DENND1A: variants seen among roughly 807,000 people sequenced by gnomAD.
DENND1A encodes the protein DENN domain-containing protein 1A.
In DENND1A, 51 loss-of-function variants were observed where a neutral mutation model predicts 113.7. The observed-to-expected ratio is 0.45, with a 90% CI of 0.36 to 0.57. The LOEUF (loss-of-function observed/expected upper bound fraction) is 0.57, where lower values mean the gene tolerates loss of function less well. Among genes scored for constraint, DENND1A ranks in the 20% least tolerant of loss-of-function variants. The probability of loss-of-function intolerance (pLI) is 0.00; values close to 1 mark genes in which losing one functional copy is unlikely to be tolerated. For missense variants in DENND1A, 1,258 were observed against 1,395.9 expected (o/e 0.90, Z 1.57); for synonymous variants, 565 against 570.8 (o/e 0.99, Z 0.14).
At chr9:123,905,798 T>C (rs369299336) in intron 1 of DENND1A, among the ~76,000 whole-genome samples, 25 of 150,832 alleles carry the variant, frequency 1.7e-4, no homozygotes, top group African/African-American at 5.6e-4. Flanking sequence ...GACAGATCAA[T>C]GAGACAGAAA....
intron 18 of DENND1A, 70 bp from the exon 19 acceptor site, chr9:123,440,561 C>A: frequency 2.7e-6 from 4 of 1,478,358 alleles, no homozygotes; most frequent in South Asian, 1.4e-5. Flanking sequence ...CACCCCACAA[C>A]GAAGAGGCCT....
At chr9:123,725,963 CAACCTAATAT>C (rs775052546) in intron 5 of DENND1A, among the ~76,000 whole-genome samples, 23 of 152,166 alleles carry the variant, frequency 1.5e-4, no homozygotes, top group Non-Finnish European at 2.5e-4. Context: ...AAAAACTGCA[CAACCTAATAT>C]AATTTCTACT....
chr9:123,402,034 G>A (rs2043513292), intron 21 of DENND1A: 1 of 1,359,574 alleles, frequency 7.4e-7, no homozygotes, highest in Non-Finnish European at 1.0e-6. Flanking sequence ...AAAGAAATGT[G>A]ACAAATTTCA....
At chr9:123,874,541 C>A (rs939336899) in intron 2 of DENND1A, among the ~76,000 whole-genome samples, 1 of 152,136 alleles carries the variant, frequency 6.6e-6, no homozygotes, top group South Asian at 2.1e-4. Flanking sequence ...GTGGGAGGAA[C>A]ACTTGAGCCC....
chr9:123,488,851 A>G (rs1210352025), intron 13 of DENND1A, among the ~76,000 whole-genome samples: 1 of 152,112 alleles, frequency 6.6e-6, no homozygotes, highest in Non-Finnish European at 1.5e-5. Flanking sequence ...GCCTGCCTTC[A>G]TCTATCATCC....
intron 8 of DENND1A, among the ~76,000 whole-genome samples, chr9:123,662,455 T>C (rs749030506): frequency 1.3e-5 from 2 of 152,024 alleles, no homozygotes; most frequent in Admixed American, 6.6e-5. Flanking sequence ...CACAACTATT[T>C]GGGAGGCTGA....
chr9:123,447,386 A>G (rs191225533), intron 18 of DENND1A, among the ~76,000 whole-genome samples: 1 of 152,334 alleles, frequency 6.6e-6, no homozygotes, highest in East Asian at 1.9e-4. Flanking sequence ...ATGGTCACAC[A>G]GATATCCTGA....
At chr9:123,425,876 GA>G (rs1320613530) in intron 19 of DENND1A, among the ~76,000 whole-genome samples, 1 of 152,260 alleles carries the variant, frequency 6.6e-6, no homozygotes, top group African/African-American at 2.4e-5. Flanking sequence ...AGGTGGAACA[GA>G]AGAGGAAAAT....
At chr9:123,428,294 CA>C (rs1489850811) in intron 19 of DENND1A, among the ~76,000 whole-genome samples, 2 of 152,170 alleles carry the variant, frequency 1.3e-5, no homozygotes, top group Admixed American at 1.3e-4. Flanking sequence ...GAACTAAAGA[CA>C]AAAACCACAT....
intron 13 of DENND1A, among the ~76,000 whole-genome samples, chr9:123,542,965 C>T (rs977971775): frequency 6.6e-6 from 1 of 152,218 alleles, no homozygotes; most frequent in Non-Finnish European, 1.5e-5. Context: ...GACTGACACA[C>T]TGATTAAGCT....
intron 2 of DENND1A, 59 bp downstream of exon 2, chr9:123,878,892 T>G (rs1385903402): frequency 6.5e-6 from 10 of 1,540,844 alleles, no homozygotes; most frequent in Non-Finnish European, 9.0e-6. Context: ...TTATCTCACG[T>G]GCATAGCTAT....
chr9:123,703,565 A>C (rs1468047997), intron 5 of DENND1A, among the ~76,000 whole-genome samples: 2 of 152,204 alleles, frequency 1.3e-5, no homozygotes, highest in Non-Finnish European at 2.9e-5. Flanking sequence ...CAAAGGAAAC[A>C]GTAAGAGAGG....
intron 9 of DENND1A, among the ~76,000 whole-genome samples, chr9:123,632,375 G>GAT (rs1333807600): frequency 6.6e-6 from 1 of 152,028 alleles, no homozygotes. Flanking sequence ...GGGTGATATA[G>GAT]ATATATATAT....
At position 123,742,571 on chromosome 9, in the gene DENND1A, G is replaced by A. The variant is rs180694716; in HGVS notation, c.302+15132C>T. 1.6e-4 allele frequency among the ~76,000 whole-genome samples: 24 copies of A among 152,264 alleles called. No individual in the cohort carries two copies. The East Asian group carries it at 4.1e-3, about 26-fold the overall frequency. On this transcript the variant is annotated intron_variant, in intron 5 of 23. Transcript: ENST00000394215. ...CTCAGCAATCTCAGTTCATCCTTAG[G>A]GTAGACGAACAAAAACCTGGCAAAT...
At chr9:123,427,338 C>T (rs1182455777) in intron 19 of DENND1A, among the ~76,000 whole-genome samples, 3 of 152,230 alleles carry the variant, frequency 2.0e-5, no homozygotes, top group Non-Finnish European at 4.4e-5. Flanking sequence ...ATTTGCTGAA[C>T]GAATGACCTA....
chr9:123,482,161 G>A (rs1379757964), intron 13 of DENND1A, among the ~76,000 whole-genome samples: 5 of 152,150 alleles, frequency 3.3e-5, no homozygotes, highest in African/African-American at 7.2e-5. Flanking sequence ...GCAGTGGCGC[G>A]ATCTTGGTTC....
intron 13 of DENND1A, among the ~76,000 whole-genome samples, chr9:123,500,818 G>A (rs1171282331): frequency 6.6e-6 from 1 of 152,222 alleles, no homozygotes; most frequent in African/African-American, 2.4e-5. Context: ...TTCATCTCCA[G>A]TATCAAGGGC....
In DENND1A at chr9:123,381,843, G is replaced by A. The variant is rs752789526; in HGVS notation, c.2802C>T (p.Ser934=). The change falls in exon 24 of 24, where the codon TCC becomes TCT. Residue 934 remains serine (S), a synonymous_variant. Coordinates refer to ENST00000394215, the MANE Select transcript of DENND1A (RefSeq NM_001352964.2). The surrounding 1 kb of genome is among the most constrained non-coding windows in gnomAD (Gnocchi z 4.7). ...TGTGAGGGGCACAGAAGCCAGCACTGGACAGCAGGAGGCCGGACGCAAAAG... is the reference window on the plus strand; with the variant it reads ...TGTGAGGGGCACAGAAGCCAGCACTAGACAGCAGGAGGCCGGACGCAAAAG... ...GPAFASGLLL[S]SAGFCAPHRS... 6 of 1,490,272 alleles carry A rather than the reference G, an allele frequency of 4.0e-6. No individual in the cohort carries two copies. The highest frequency in any genetic ancestry group is 5.4e-6 in the Non-Finnish European group (6 of 1,119,824). 92.3% of individuals were successfully genotyped at this position (1,490,272 alleles called of 1,614,324 possible).
chr9:123,663,584 T>C (rs2063350526), intron 8 of DENND1A, among the ~76,000 whole-genome samples: 1 of 151,782 alleles, frequency 6.6e-6, no homozygotes, highest in Admixed American at 6.6e-5. Flanking sequence ...AACACTAAAT[T>C]CCTAGAGAAA....
Sources: allele counts gnomAD v4.1 joint callset (sites outside exome capture counted in the v4.1 genomes callset), GRCh38; gene constraint gnomAD v4.1.1; non-coding constraint Gnocchi (gnomAD v3.1); transcripts MANE v1.5; gene names NCBI Gene and HGNC (gene_info 2026-07-23, HGNC 2026-07-21).